PSD3: variants seen among roughly 807,000 people sequenced by gnomAD.
PSD3 encodes PH and SEC7 domain-containing protein 3.
In PSD3, 49 loss-of-function variants were observed where a neutral mutation model predicts 105.5. The observed-to-expected ratio is 0.46, with a 90% CI of 0.37 to 0.59. The LOEUF is 0.59. Ranked by LOEUF, PSD3 falls within the 20% of genes least tolerant of loss-of-function variation. PSD3 has a pLI of 0.00. For missense variants in PSD3, 1,561 were observed against 1,263.8 expected (o/e 1.24, Z -3.57); for synonymous variants, 557 against 457.8 (o/e 1.22, Z -2.77).
chr8:18,780,338 T>C (rs577557694), intron 8 of PSD3, among the ~76,000 whole-genome samples: 11 of 66,670 alleles, frequency 1.6e-4, no homozygotes, highest in African/African-American at 6.0e-4. Context: ...AGGCAGTATA[T>C]AGTTAAGTCA....
intron 1 of PSD3, among the ~76,000 whole-genome samples, chr8:19,036,331 C>A (rs1436388743): frequency 6.6e-6 from 1 of 152,030 alleles, no homozygotes; most frequent in Non-Finnish European, 1.5e-5. Context: ...CAGTTCCATG[C>A]CCAGTCCCCT....
At chr8:18,843,102 G>C (rs1814786082) in intron 4 of PSD3, among the ~76,000 whole-genome samples, 1 of 152,108 alleles carries the variant, frequency 6.6e-6, no homozygotes, top group South Asian at 2.1e-4. Flanking sequence ...CCAGTAGCAA[G>C]AGTTATTGCT....
intron 14 of PSD3, among the ~76,000 whole-genome samples, chr8:18,563,417 T>C (rs1047582513): frequency 1.2e-4 from 19 of 152,164 alleles, no homozygotes; most frequent in African/African-American, 4.3e-4. Context: ...AGGAGACAGA[T>C]GATTTTCAGG....
At chr8:18,613,295 C>T (rs966724898) in intron 11 of PSD3, among the ~76,000 whole-genome samples, 5 of 151,996 alleles carry the variant, frequency 3.3e-5, no homozygotes, top group Non-Finnish European at 4.4e-5. Context: ...CGCCCATCTG[C>T]ACATTGGGAG....
chr8:18,872,722 C>T lies in PSD3; in HGVS notation c.142G>A (p.Gly48Arg), dbSNP rs758972505. The T allele has an allele frequency of 3.2e-6, 5 of 1,558,762 alleles. No individual in the cohort carries two copies. The highest frequency in any genetic ancestry group is 1.4e-5 in the African/African-American group (1 of 72,954). Residue 48 changes from glycine to arginine, a missense_variant, in exon 3 of 16, where the codon GGA becomes AGA. Physicochemically the swap from Gly to Arg is moderately radical, Grantham distance 125 (BLOSUM62 -2). Coordinates refer to ENST00000327040, the MANE Select transcript of PSD3 (RefSeq NM_015310.4). ...ACATTTGGTGGGAGTAAAGTGCTTC[C>T]TCCATGATCACCTGTGAAGAGAACA... ...GKAPDTSDHG[G>R]STLLPPNVTN...
At chr8:18,809,994 A>T (rs541868708) in intron 4 of PSD3, among the ~76,000 whole-genome samples, 93 of 152,326 alleles carry the variant, frequency 6.1e-4, no homozygotes, top group Non-Finnish European at 1.1e-3. Flanking sequence ...ATTCTGTAGC[A>T]TGTCCTAAGG....
chr8:19,010,909 G>C (rs1826922058), intron 1 of PSD3, among the ~76,000 whole-genome samples: 1 of 151,618 alleles, frequency 6.6e-6, no homozygotes, highest in Admixed American at 6.6e-5. Flanking sequence ...GGCCCAGACG[G>C]TCCGGGAAGA....
chr8:18,872,544 A>C lies in PSD3; in HGVS notation c.320T>G (p.Val107Gly). 6.2e-7 allele frequency: 1 copy of C among 1,613,926 alleles called. No homozygotes were observed. ...TCTGACATCTTTTGGTCCTTCTGTA[A>C]CACTGTCGAGCCCAGAGTGGCAGCC... is the stretch of plus-strand genomic sequence containing the variant. ...LTGCHSGLDS[V>G]TEGPKDVREA... is the part of the protein sequence containing the mutation. The change falls in exon 3 of 16, where the codon GTT becomes GGT. Residue 107 changes from valine to glycine, a missense_variant. By Grantham distance (109) the Val-to-Gly change is moderately radical. Transcript: ENST00000327040.
intron 4 of PSD3, among the ~76,000 whole-genome samples, chr8:18,854,704 T>C (rs766013920): frequency 2.0e-5 from 3 of 152,248 alleles, no homozygotes; most frequent in Non-Finnish European, 4.4e-5. Context: ...ATTAATATTA[T>C]ACACAATTTA....
intron 14 of PSD3, among the ~76,000 whole-genome samples, chr8:18,565,529 C>T (rs557121153): frequency 1.3e-5 from 2 of 152,098 alleles, no homozygotes; most frequent in Non-Finnish European, 2.9e-5. Flanking sequence ...AAAGCAAAGC[C>T]CACAAATGAC....
intron 2 of PSD3, among the ~76,000 whole-genome samples, chr8:18,916,343 T>C (rs371198515): frequency 0.22 from 10,005 of 45,380 alleles, 1,055 homozygotes; most frequent in Non-Finnish European, 0.25. Flanking sequence ...TATATATATA[T>C]ATATATACAC....
intron 2 of PSD3, among the ~76,000 whole-genome samples, chr8:18,922,511 A>C (rs1484004760): frequency 6.6e-6 from 1 of 152,168 alleles, no homozygotes; most frequent in African/African-American, 2.4e-5. Context: ...TTCTGTGACC[A>C]AATGTTTTCC....
In PSD3 at chr8:18,673,781, G is replaced by A. The variant is rs568303976; in HGVS notation, c.2173-18096C>T. 6.6e-5 allele frequency among the ~76,000 whole-genome samples: 10 copies of A among 152,198 alleles called. No homozygotes were observed. In the South Asian group the frequency reaches 1.5e-3, roughly 22 times the overall value. ...ACGTGGGGATCTCCCCGTGGGCCTC[G>A]ACTGAGCCTAATTTCCTAAGTCCAA... is the stretch of plus-strand genomic sequence containing the variant. On this transcript the variant is annotated intron_variant, in intron 9 of 15. Transcript: ENST00000327040.
At position 18,794,915 on chromosome 8, in the gene PSD3, C is replaced by T. The variant is rs1423170636; in HGVS notation, c.2082+4380G>A. Among the ~76,000 whole-genome samples, 21 of 19,490 alleles carry T rather than the reference C, an allele frequency of 1.1e-3. 1 individual carries two copies. The highest frequency in any genetic ancestry group is 2.7e-3 in the Non-Finnish European group (11 of 4,106). The allele number at this position is 19,490 out of a possible 152,430, so 12.8% of individuals were successfully genotyped here. On this transcript the variant is annotated intron_variant, in intron 8 of 15. Transcript: ENST00000327040. ...GGTGTGTAGGGGCAACCCACCCCTA[C>T]ATGAAGCATTAAATTTTTAAAATAA...
rs546217902 is a variant in PSD3, at chr8:18,906,365, T to G, written c.130+29669A>C. Among the ~76,000 whole-genome samples the G allele has an allele frequency of 5.1e-4, 78 of 152,304 alleles. 1 individual carries two copies. In the South Asian group the frequency reaches 0.016, roughly 31 times the overall value. On this transcript the variant is annotated intron_variant, in intron 2 of 15. Coordinates refer to ENST00000327040, the MANE Select transcript of PSD3 (RefSeq NM_015310.4). Reference sequence around the variant, plus strand: ...GAAATTTCAATGCACTAATAAGATGTGGCCGTGTTTTTAAAATTCATACCC... The same window carrying G: ...GAAATTTCAATGCACTAATAAGATGGGGCCGTGTTTTTAAAATTCATACCC...
chr8:18,589,587 A>T (rs948186302), intron 12 of PSD3, among the ~76,000 whole-genome samples: 6 of 152,192 alleles, frequency 3.9e-5, no homozygotes, highest in African/African-American at 1.4e-4. Context: ...AACAAAAAAT[A>T]ATTATAAAAA....
rs554036406 is a variant in PSD3 at position 18,796,780 on chromosome 8, C to A, written c.2082+2515G>T. ...ATGCTGCAGTATTGCTATTATGACACAACGGTAAGGAAAAAAAGAATAATG... is the reference window on the plus strand; with the variant it reads ...ATGCTGCAGTATTGCTATTATGACAAAACGGTAAGGAAAAAAAGAATAATG... On this transcript the variant is annotated intron_variant, in intron 8 of 15. Transcript: ENST00000327040. Among the ~76,000 whole-genome samples the A allele has an allele frequency of 8.6e-4, 131 of 152,078 alleles. 1 individual carries two copies. The highest frequency in any genetic ancestry group is 2.9e-3 in the African/African-American group (121 of 41,498).
chr8:18,675,979 C>A (rs1800043486), intron 9 of PSD3, among the ~76,000 whole-genome samples: 1 of 152,154 alleles, frequency 6.6e-6, no homozygotes, highest in Non-Finnish European at 1.5e-5. Flanking sequence ...AGCTTGTCAC[C>A]ATACATATTC....
chr8:18,879,088 GCA>G (rs71545536), intron 2 of PSD3, among the ~76,000 whole-genome samples: 5 of 93,594 alleles, frequency 5.3e-5, no homozygotes, highest in East Asian at 3.2e-4. Context: ...ACACACACAC[GCA>G]CACACAACTG....
Sources: allele counts gnomAD v4.1 joint callset (sites outside exome capture counted in the v4.1 genomes callset), GRCh38; gene constraint gnomAD v4.1.1; transcripts MANE v1.5; gene names NCBI Gene and HGNC (gene_info 2026-07-23, HGNC 2026-07-21).